The following UBE2G1 variants were observed in gnomAD, a reference collection of about 807,000 sequenced individuals.
UBE2G1 encodes ubiquitin conjugating enzyme E2 G1, also known as ubiquitin-conjugating enzyme E2 G1.
A neutral mutation model predicts 22.7 loss-of-function variants in UBE2G1; 5 were observed. That is an observed-to-expected ratio of 0.22 (90% CI 0.12 to 0.46). The LOEUF (loss-of-function observed/expected upper bound fraction) is 0.46. Ranked by LOEUF, UBE2G1 falls within the 20% of genes least tolerant of loss-of-function variation. UBE2G1 has a pLI of 0.99. For missense variants in UBE2G1, 88 were observed against 203.9 expected (o/e 0.43, Z 3.46); for synonymous variants, 74 against 67.5 (o/e 1.10, Z -0.47).
chr17:4,311,794 C>A (rs1346389833), intron 1 of UBE2G1, among the ~76,000 whole-genome samples: 2 of 152,170 alleles, frequency 1.3e-5, no homozygotes, highest in African/African-American at 4.8e-5. Flanking sequence ...GTCAATTCCT[C>A]CCTCCCTGTT....
At position 4,327,440 on chromosome 17, in the gene UBE2G1, C is replaced by G. The variant is rs1969515518; in HGVS notation, c.47-20317G>C. 1.3e-5 allele frequency among the ~76,000 whole-genome samples: 2 copies of G among 152,098 alleles called. 1 individual carries two copies. The highest frequency in any genetic ancestry group is 4.1e-4 in the South Asian group (2 of 4,822). On this transcript the variant is annotated intron_variant, in intron 1 of 5. Coordinates refer to ENST00000396981, the MANE Select transcript of UBE2G1 (RefSeq NM_003342.5). ...TGAGCCAAGATCACACCACTGCACC[C>G]CAGCCTGGGCAACAGAGCGAGACTG...
Position 4,289,426 on chromosome 17 carries a change from A to C in UBE2G1, c.248-18T>G. The stretch of plus-strand genomic sequence containing the variant: ...TTTATCAACTGCAAAATTCAAGAAG[A>C]GGCTTGTTTCATATATTACTAATTT... On this transcript the variant is annotated intron_variant, in intron 3 of 5. Coordinates refer to ENST00000396981, the MANE Select transcript of UBE2G1 (RefSeq NM_003342.5). 1 of 1,462,686 alleles carries C rather than the reference A, an allele frequency of 6.8e-7. No individual in the cohort carries two copies. Among genetic ancestry groups the C allele is most frequent in the Non-Finnish European group, 9.1e-7 (1 of 1,099,868 alleles). The allele number at this position is 1,462,686 out of a possible 1,614,324, so 90.6% of individuals were successfully genotyped here.
At chr17:4,334,513 C>T (rs751707955) in intron 1 of UBE2G1, among the ~76,000 whole-genome samples, 1 of 151,948 alleles carries the variant, frequency 6.6e-6, no homozygotes, top group African/African-American at 2.4e-5. Flanking sequence ...GGTTTTAACC[C>T]ATCTTCTCAA....
chr17:4,346,185 TTAAA>T (rs893716551), intron 1 of UBE2G1, among the ~76,000 whole-genome samples: 24 of 152,120 alleles, frequency 1.6e-4, no homozygotes, highest in African/African-American at 3.1e-4. Context: ...TTTACACTAA[TTAAA>T]TAAACATCAA....
rs34357475 is a variant in UBE2G1, at chr17:4,299,827, G to GT, written c.150-3014dup. ...CCCCTCCCCTCTTTTCCTTTTTTTA[G>GT]TTTTTTTTTTTTTTTTGGAGATGGA... On this transcript the variant is annotated intron_variant, in intron 2 of 5. Transcript: ENST00000396981. 2.4e-3 allele frequency among the ~76,000 whole-genome samples: 275 copies of GT among 116,506 alleles called. 1 individual carries two copies. The highest frequency in any genetic ancestry group is 7.2e-3 in the African/African-American group (247 of 34,446). 76.4% of individuals were successfully genotyped at this position (116,506 alleles called of 152,430 possible). A position where few individuals can be genotyped will look rare whatever the true frequency, so the allele number is the denominator to read the frequency against.
At chr17:4,305,704 G>A (rs942586057) in intron 2 of UBE2G1, among the ~76,000 whole-genome samples, 1 of 152,098 alleles carries the variant, frequency 6.6e-6, no homozygotes, top group African/African-American at 2.4e-5. Flanking sequence ...ACCATGCCCA[G>A]CTAATTTTTG....
chr17:4,328,197 A>C (rs1969524018), intron 1 of UBE2G1, among the ~76,000 whole-genome samples: 1 of 152,250 alleles, frequency 6.6e-6, no homozygotes. Context: ...AATGATGGTT[A>C]ATCTGGTTCT....
intron 1 of UBE2G1, among the ~76,000 whole-genome samples, chr17:4,320,164 G>C (rs1290587384): frequency 6.6e-6 from 1 of 151,906 alleles, no homozygotes; most frequent in East Asian, 1.9e-4. Flanking sequence ...TGTTAAAAAA[G>C]AATAACCAAT....
chr17:4,327,623 G>C (rs1310787150), intron 1 of UBE2G1, among the ~76,000 whole-genome samples: 6 of 152,302 alleles, frequency 3.9e-5, no homozygotes, highest in African/African-American at 1.4e-4. Flanking sequence ...AAGTACAGTA[G>C]TGAGAAGGGG....
intron 1 of UBE2G1, among the ~76,000 whole-genome samples, chr17:4,356,727 T>G (rs1212347280): frequency 1.3e-5 from 2 of 152,198 alleles, no homozygotes; most frequent in African/African-American, 4.8e-5. Flanking sequence ...AAAATAAAAT[T>G]AAGACGGAAT....
chr17:4,289,426 A>G lies in UBE2G1; in HGVS notation c.248-18T>C. The stretch of plus-strand genomic sequence containing the variant: ...TTTATCAACTGCAAAATTCAAGAAG[A>G]GGCTTGTTTCATATATTACTAATTT... On this transcript the variant is annotated intron_variant, in intron 3 of 5. Coordinates refer to ENST00000396981, the MANE Select transcript of UBE2G1 (RefSeq NM_003342.5). 1 of 1,462,686 alleles carries G rather than the reference A, an allele frequency of 6.8e-7. No individual in the cohort carries two copies. Among genetic ancestry groups the G allele is most frequent in the Non-Finnish European group, 9.1e-7 (1 of 1,099,868 alleles). The allele number at this position is 1,462,686 out of a possible 1,614,324, so 90.6% of individuals were successfully genotyped here. A position where few individuals can be genotyped will look rare whatever the true frequency, so the allele number is the denominator to read the frequency against.
chr17:4,277,138 G>T (rs1012450637), intron 5 of UBE2G1, among the ~76,000 whole-genome samples: 1 of 152,170 alleles, frequency 6.6e-6, no homozygotes, highest in Non-Finnish European at 1.5e-5. Context: ...GTTGTGAATT[G>T]ACTTATGGAG....
intron 1 of UBE2G1, among the ~76,000 whole-genome samples, chr17:4,364,932 G>A (rs868595704): frequency 7.2e-5 from 11 of 152,190 alleles, no homozygotes; most frequent in African/African-American, 1.9e-4. Context: ...AGTATCATTA[G>A]AACTTCTCCA....
chr17:4,341,158 C>T (rs1398430311), intron 1 of UBE2G1, among the ~76,000 whole-genome samples: 2 of 151,936 alleles, frequency 1.3e-5, no homozygotes, highest in Non-Finnish European at 2.9e-5. Context: ...CTGAAAGAAG[C>T]TGGTCATGCA....
intron 3 of UBE2G1, among the ~76,000 whole-genome samples, chr17:4,293,854 T>C (rs1212294617): frequency 6.6e-6 from 1 of 152,216 alleles, no homozygotes; most frequent in Non-Finnish European, 1.5e-5. Context: ...CCTGCAACAC[T>C]ATTCTTAGTT....
At chr17:4,332,395 T>C (rs1969589673) in intron 1 of UBE2G1, among the ~76,000 whole-genome samples, 1 of 152,166 alleles carries the variant, frequency 6.6e-6, no homozygotes, top group Non-Finnish European at 1.5e-5. Context: ...AAATGTTTAA[T>C]AAAAATGCAT....
At chr17:4,329,329 G>A (rs1056455497) in intron 1 of UBE2G1, among the ~76,000 whole-genome samples, 6 of 151,936 alleles carry the variant, frequency 3.9e-5, no homozygotes, top group African/African-American at 1.4e-4. Flanking sequence ...AACCTGGGAG[G>A]CGGAGGTTGC....
intron 1 of UBE2G1, among the ~76,000 whole-genome samples, chr17:4,362,679 TG>T (rs1191875924): frequency 6.6e-6 from 1 of 152,224 alleles, no homozygotes; most frequent in African/African-American, 2.4e-5. Flanking sequence ...TAGCCATTGT[TG>T]TTTTAAGTTT....
intron 1 of UBE2G1, among the ~76,000 whole-genome samples, chr17:4,363,780 G>A (rs1369402447): frequency 6.6e-6 from 1 of 150,686 alleles, no homozygotes; most frequent in East Asian, 2.0e-4. Flanking sequence ...GTGAAACCCC[G>A]TCTCTACTGA....
Sources: allele counts gnomAD v4.1 joint callset (sites outside exome capture counted in the v4.1 genomes callset), GRCh38; gene constraint gnomAD v4.1.1; transcripts MANE v1.5; gene names NCBI Gene and HGNC (gene_info 2026-07-23, HGNC 2026-07-21).